Variants in TCTN3 observed in about 807,000 individuals in gnomAD.
The protein encoded by TCTN3 is tectonic-3.
Under a neutral mutation model 71.3 loss-of-function variants are expected in TCTN3, and 57 were observed. The observed-to-expected ratio is 0.80, with a 90% CI of 0.65 to 1.00. TCTN3 has a LOEUF of 1.00. TCTN3 is among the 50% of genes least tolerant of loss of function. The pLI is 0.00. For missense variants in TCTN3, 696 were observed against 719.9 expected (o/e 0.97, Z 0.38); for synonymous variants, 258 against 267.8 (o/e 0.96, Z 0.36).
intron 13 of TCTN3, among the ~76,000 whole-genome samples, chr10:95,677,460 T>C (rs564104689): frequency 7.9e-5 from 11 of 138,702 alleles, no homozygotes; most frequent in Non-Finnish European, 1.4e-4. Flanking sequence ...TACAAGAAGA[T>C]AGTGAAGTCT....
Position 95,687,602 on chromosome 10 carries a change from G to T in TCTN3, c.617C>A (p.Ser206Tyr). The T allele has an allele frequency of 6.2e-7, 1 of 1,613,688 alleles. No individual in the cohort carries two copies. Among genetic ancestry groups the T allele is most frequent in the South Asian group, 1.1e-5 (1 of 90,892 alleles). ...CTTCCCCAGGCTCACCCTGTAAAAAGATGGTGGTGATTGAGTTTGGAATGT... is the reference window on the plus strand; with the variant it reads ...CTTCCCCAGGCTCACCCTGTAAAAATATGGTGGTGATTGAGTTTGGAATGT... ...TSTFQTQSPPSFYRAGDPILT... is the reference protein window; with the variant it reads ...TSTFQTQSPPYFYRAGDPILT... The change falls in exon 4 of 14, where the codon TCT becomes TAT. Residue 206 changes from serine (S) to tyrosine (Y), a missense_variant. Coordinates refer to ENST00000371217, the MANE Select transcript of TCTN3 (RefSeq NM_015631.6).
At chr10:95,684,808 T>A (rs764289885) in intron 8 of TCTN3, among the ~76,000 whole-genome samples, 184 bp from the exon 9 acceptor site, 7 of 152,186 alleles carry the variant, frequency 4.6e-5, no homozygotes, top group Non-Finnish European at 8.8e-5. Flanking sequence ...TATTTGTATA[T>A]GAAAAAGAAA....
chr10:95,664,954 A>G (rs2097924434), intron 13 of TCTN3, among the ~76,000 whole-genome samples: 1 of 152,238 alleles, frequency 6.6e-6, no homozygotes, highest in Non-Finnish European at 1.5e-5. Context: ...ATTTTTGGAC[A>G]GTAAATAATT....
chr10:95,683,477 T>C (rs2097945153), intron 10 of TCTN3, 45 bp downstream of exon 10: 1 of 1,614,098 alleles, frequency 6.2e-7, no homozygotes, highest in South Asian at 1.1e-5. Context: ...CTTTGCAGCT[T>C]TTCTCATTAG....
intron 13 of TCTN3, among the ~76,000 whole-genome samples, chr10:95,669,612 T>G (rs1014448144): frequency 2.6e-5 from 4 of 152,136 alleles, no homozygotes; most frequent in African/African-American, 9.7e-5. Flanking sequence ...CTGCTTCACC[T>G]CTCTATAACT....
At chr10:95,689,310 T>C (rs1284481548) in intron 3 of TCTN3, among the ~76,000 whole-genome samples, 2 of 152,212 alleles carry the variant, frequency 1.3e-5, no homozygotes, top group African/African-American at 2.4e-5. Flanking sequence ...AGGTAATGTG[T>C]ATGCATATTA....
At position 95,682,809 on chromosome 10, in the gene TCTN3, A is replaced by T. The variant is rs376180227; in HGVS notation, c.1299-5T>A. On this transcript the variant is annotated splice_polypyrimidine_tract_variant and splice_region_variant and intron_variant, in intron 11 of 13. Transcript: ENST00000371217. Reference sequence around the variant, plus strand: ...CTGCAGTCTGCCTTCTTCAACCTATAATTAAACACCATGGAGGCTGCAGTC... The same window carrying T: ...CTGCAGTCTGCCTTCTTCAACCTATTATTAAACACCATGGAGGCTGCAGTC... The T allele has an allele frequency of 6.2e-7, 1 of 1,613,328 alleles. No individual in the cohort carries two copies. The highest frequency in any genetic ancestry group is 8.5e-7 in the Non-Finnish European group (1 of 1,179,722).
In TCTN3 at chr10:95,684,605, G is replaced by T. The variant is rs150255447; in HGVS notation, c.989C>A (p.Thr330Asn). ...VVSQVTYEIE[T>N]NGTFGIQKVS... ...TTTCTGGATTCCAAAAGTCCCATTG[G>T]TCTCTATCTCATAGGTGACCTGAAA... Residue 330 changes from threonine to asparagine, a missense_variant, in exon 9 of 14, where the codon ACC becomes AAC. Transcript: ENST00000371217. The T allele has an allele frequency of 6.2e-7, 1 of 1,613,800 alleles. No homozygotes were observed. Among genetic ancestry groups the T allele is most frequent in the African/African-American group, 1.3e-5 (1 of 74,880 alleles).
intron 13 of TCTN3, among the ~76,000 whole-genome samples, chr10:95,678,330 G>A (rs1374821314): frequency 2.0e-5 from 3 of 151,918 alleles, no homozygotes; most frequent in Admixed American, 1.3e-4. Context: ...TCAGGAGTTC[G>A]AGACTAGCCT....
intron 1 of TCTN3, 62 bp from the exon 2 acceptor site, chr10:95,693,538 C>T (rs2097955704): frequency 3.2e-6 from 5 of 1,549,746 alleles, no homozygotes; most frequent in South Asian, 1.2e-5. Flanking sequence ...AGGTGCTCAC[C>T]CTCCTTCTTC....
chr10:95,682,715 C>G lies in TCTN3; in HGVS notation c.1388G>C (p.Gly463Ala). ...TCCTTTCTGGGCTGGGTCAGCATTA[C>G]CAAAGATGGCAACATACTCTGGTCT... Reference protein sequence around the residue: ...RPRPEYVAIFGNADPAQKGGW... With the variant: ...RPRPEYVAIFANADPAQKGGW... The change falls in exon 12 of 14, where the codon GGT becomes GCT. Residue 463 changes from glycine (G) to alanine (A), a missense_variant. By Grantham distance (60) the Gly-to-Ala change is moderately conservative (BLOSUM62 0). Transcript: ENST00000371217. 6.2e-7 allele frequency: 1 copy of G among 1,614,146 alleles called. No individual in the cohort carries two copies. The highest frequency in any genetic ancestry group is 8.5e-7 in the Non-Finnish European group (1 of 1,180,018).
intron 13 of TCTN3, among the ~76,000 whole-genome samples, chr10:95,670,765 C>G (rs567353203): frequency 1.3e-5 from 2 of 151,834 alleles, no homozygotes; most frequent in East Asian, 3.9e-4. Flanking sequence ...TAGAATCAAG[C>G]AATCCTCCCA....
chr10:95,669,929 G>A (rs1263150475), intron 13 of TCTN3, among the ~76,000 whole-genome samples: 3 of 151,266 alleles, frequency 2.0e-5, no homozygotes, highest in Non-Finnish European at 3.0e-5. Context: ...CGGGCGAGGT[G>A]GCGGGCGCCT....
intron 13 of TCTN3, among the ~76,000 whole-genome samples, chr10:95,665,519 G>C (rs2097924877): frequency 6.6e-6 from 1 of 152,132 alleles, no homozygotes; most frequent in Admixed American, 6.5e-5. Flanking sequence ...GACCTCAAGT[G>C]ATCTGCCCAG....
intron 12 of TCTN3, among the ~76,000 whole-genome samples, chr10:95,681,672 A>G (rs2097943161): frequency 6.6e-6 from 1 of 152,244 alleles, no homozygotes; most frequent in Non-Finnish European, 1.5e-5. Flanking sequence ...TTGATTTTTA[A>G]CCAGATAATG....
intron 11 of TCTN3, 113 bp downstream of exon 11, chr10:95,682,988 T>G (rs997381549): frequency 8.0e-7 from 1 of 1,256,792 alleles, no homozygotes; most frequent in African/African-American, 1.5e-5. Flanking sequence ...ACTAAAAGAC[T>G]ATTCCTGACT....
intron 3 of TCTN3, among the ~76,000 whole-genome samples, chr10:95,688,243 A>T (rs1229136868): frequency 1.3e-5 from 2 of 151,928 alleles, no homozygotes; most frequent in Non-Finnish European, 2.9e-5. Flanking sequence ...ACAAAAAATT[A>T]GCCGGACATG....
At chr10:95,668,485 A>G (rs1018794154) in intron 13 of TCTN3, among the ~76,000 whole-genome samples, 1 of 152,196 alleles carries the variant, frequency 6.6e-6, no homozygotes, top group Non-Finnish European at 1.5e-5. Flanking sequence ...AAGACAATGA[A>G]AGAATGCCTT....
In TCTN3 at chr10:95,687,055, T is replaced by A; in HGVS notation, c.841A>T (p.Thr281Ser). ...ALNAASYYNF[T>S]VLKVPRSMTD... ...GAAAGGACACCTACCTTTAAGACTG[T>A]GAAGTTATAGTAAGAGGCAGCATTG... The change falls in exon 6 of 14, where the codon ACA (threonine) becomes TCA (serine). Residue 281 changes from threonine (T) to serine (S), a missense_variant. Physicochemically the swap from Thr to Ser is moderately conservative, Grantham distance 58 (BLOSUM62 1). Transcript: ENST00000371217. 6.2e-7 allele frequency: 1 copy of A among 1,613,668 alleles called. No individual in the cohort carries two copies. The highest frequency in any genetic ancestry group is 8.5e-7 in the Non-Finnish European group (1 of 1,179,750).
Sources: gnomAD v4.1 joint callset for allele counts (sites outside exome capture counted in the v4.1 genomes callset) on GRCh38, gnomAD v4.1.1 for gene constraint, MANE v1.5 for transcripts, NCBI Gene and HGNC (gene_info 2026-07-23, HGNC 2026-07-21) for gene names.